The following RNF216 variants were observed in gnomAD, a reference collection of about 807,000 sequenced individuals.
RNF216 encodes the protein ring finger protein 216.
In RNF216, 72 loss-of-function variants were observed where a neutral mutation model predicts 110.8. The observed-to-expected ratio is 0.65, with a 90% CI of 0.54 to 0.79. The LOEUF (loss-of-function observed/expected upper bound fraction) is 0.79, where lower values mean the gene tolerates loss of function less well. Among genes scored for constraint, RNF216 ranks in the 30% least tolerant of loss-of-function variants. RNF216 has a pLI of 0.00. For synonymous variants in RNF216, 495 were observed against 407.5 expected (o/e 1.21, Z -2.59); for missense variants, 1,342 against 1,141.2 (o/e 1.18, Z -2.54).
intron 6 of RNF216, 80 bp from the exon 7 acceptor site, chr7:5,729,676 G>A (rs1793973873): frequency 2.6e-6 from 3 of 1,164,606 alleles, no homozygotes; most frequent in African/African-American, 3.1e-5. Context: ...AGAATTACAT[G>A]TGTAGAAAAG....
At chr7:5,661,058 G>A (rs1388856423) in intron 13 of RNF216, among the ~76,000 whole-genome samples, 1 of 145,612 alleles carries the variant, frequency 6.9e-6, no homozygotes, top group Non-Finnish European at 1.5e-5. Context: ...TCATGCCTCA[G>A]TCTCCCAAGT....
At chr7:5,628,609 A>T (rs1397663252) in intron 15 of RNF216, among the ~76,000 whole-genome samples, 1 of 151,438 alleles carries the variant, frequency 6.6e-6, no homozygotes, top group South Asian at 2.1e-4. Flanking sequence ...TGCAGCCTCC[A>T]CCTCCTGGGC....
chr7:5,704,831 A>G (rs1035658575), intron 13 of RNF216, among the ~76,000 whole-genome samples: 9 of 152,164 alleles, frequency 5.9e-5, no homozygotes, highest in Admixed American at 2.0e-4. Flanking sequence ...TTTATTTTCC[A>G]TGATGGGCCA....
At chr7:5,695,323 G>A (rs929989478) in intron 13 of RNF216, among the ~76,000 whole-genome samples, 1 of 152,250 alleles carries the variant, frequency 6.6e-6, no homozygotes, top group East Asian at 1.9e-4. Context: ...ACATTCACAC[G>A]TCCAGCAGCC....
Position 5,770,779 on chromosome 7 carries a change from T to C in RNF216, c.-69-9641A>G, listed in dbSNP as rs543881630. ...TATTGACAAAAGAAAAACAGACCAA[T>C]GGAACAGAGTGCAGAACAGATTCTT... On this transcript the variant is annotated intron_variant, in intron 1 of 16. Coordinates refer to ENST00000389902, the MANE Select transcript of RNF216 (RefSeq NM_207111.4). Among the ~76,000 whole-genome samples, 3 of 151,786 alleles carry C rather than the reference T, an allele frequency of 2.0e-5. No individual in the cohort carries two copies. The South Asian group carries it at 6.2e-4, about 32-fold the overall frequency.
At chr7:5,642,046 G>A (rs2537624) in intron 14 of RNF216, among the ~76,000 whole-genome samples, 67,560 of 113,612 alleles carry the variant, frequency 0.59, 18,651 homozygotes, top group East Asian at 0.93. Context: ...AAAAAAAAAA[G>A]AAAAAAAAAA....
In RNF216 at chr7:5,741,758, C is replaced by T. The variant is rs780346814; in HGVS notation, c.259G>A (p.Asp87Asn). Reference protein sequence around the residue: ...NLIKPAAQWQDLKRLGEERPK... With the variant: ...NLIKPAAQWQNLKRLGEERPK... ...CTTTCTTCTCCCAACCTTTTCAGAT[C>T]TTGCCACTGGGCAGCTGGTTTGATG... The change falls in exon 4 of 17, where the codon GAT (aspartate) becomes AAT (asparagine). Residue 87 changes from aspartate to asparagine, a missense_variant. Transcript: ENST00000389902. 2 of 1,614,186 alleles carry T rather than the reference C, an allele frequency of 1.2e-6. No individual in the cohort carries two copies. Among genetic ancestry groups the T allele is most frequent in the South Asian group, 2.2e-5 (2 of 91,082 alleles).
At chr7:5,764,419 G>A (rs777191881) in intron 1 of RNF216, among the ~76,000 whole-genome samples, 1 of 151,660 alleles carries the variant, frequency 6.6e-6, no homozygotes, top group African/African-American at 2.4e-5. Flanking sequence ...AGGCTGAGGA[G>A]AGCGGATCAC....
At chr7:5,675,248 T>C (rs928411626) in intron 13 of RNF216, among the ~76,000 whole-genome samples, 1 of 152,212 alleles carries the variant, frequency 6.6e-6, no homozygotes, top group African/African-American at 2.4e-5. Context: ...CATTCAATTC[T>C]TATCCCTCTG....
At chr7:5,644,420 T>C (rs1787926624) in intron 14 of RNF216, among the ~76,000 whole-genome samples, 1 of 152,260 alleles carries the variant, frequency 6.6e-6, no homozygotes, top group African/African-American at 2.4e-5. Flanking sequence ...TTTGTATTTC[T>C]GTAATGACTA....
intron 13 of RNF216, among the ~76,000 whole-genome samples, chr7:5,675,605 C>T (rs1366685991): frequency 2.6e-5 from 4 of 152,254 alleles, no homozygotes; most frequent in Middle Eastern, 3.4e-3. Flanking sequence ...CACATCACTG[C>T]GCTCCAGCCT....
chr7:5,726,932 C>T (rs1037474304), intron 7 of RNF216, among the ~76,000 whole-genome samples: 3 of 151,292 alleles, frequency 2.0e-5, no homozygotes, highest in African/African-American at 4.9e-5. Context: ...TGATTTGAAA[C>T]GGAAGGAAGG....
chr7:5,684,737 C>G lies in RNF216; in HGVS notation c.2061+27024G>C, dbSNP rs73339944. On this transcript the variant is annotated intron_variant, in intron 13 of 16. Transcript: ENST00000389902. ...ATTCCAGTGGGTGTTCAAGCAATGTCTTCTTCAAGGCACCTCACATATAGT... is the reference window on the plus strand; with the variant it reads ...ATTCCAGTGGGTGTTCAAGCAATGTGTTCTTCAAGGCACCTCACATATAGT... Among the ~76,000 whole-genome samples, 900 of 152,320 alleles carry G rather than the reference C, an allele frequency of 5.9e-3. 10 individuals carry two copies. Among genetic ancestry groups the G allele is most frequent in the African/African-American group, 0.021 (853 of 41,558 alleles).
At chr7:5,729,778 T>TCTGGACAAACAAAC (rs1307115840) in intron 6 of RNF216, among the ~76,000 whole-genome samples, 182 bp from the exon 7 acceptor site, 4 of 152,296 alleles carry the variant, frequency 2.6e-5, no homozygotes, top group Non-Finnish European at 5.9e-5. Flanking sequence ...AACAAACCTG[T>TCTGGACAAACAAAC]CTGGAGCCGA....
At chr7:5,738,320 G>T (rs1351709834) in intron 5 of RNF216, among the ~76,000 whole-genome samples, 1 of 152,004 alleles carries the variant, frequency 6.6e-6, no homozygotes, top group Non-Finnish European at 1.5e-5. Context: ...TGAATTCCTG[G>T]ACTCAGGCAA....
At chr7:5,692,418 A>T (rs571367300) in intron 13 of RNF216, among the ~76,000 whole-genome samples, 1 of 152,368 alleles carries the variant, frequency 6.6e-6, no homozygotes, top group African/African-American at 2.4e-5. Flanking sequence ...TTAGTCAGAC[A>T]TACTCTGTGG....
chr7:5,690,777 C>T (rs1021854231), intron 13 of RNF216, among the ~76,000 whole-genome samples: 10 of 152,180 alleles, frequency 6.6e-5, no homozygotes, highest in African/African-American at 1.9e-4. Context: ...CACACTAGAG[C>T]TCATGCCCCG....
At chr7:5,716,995 A>G (rs952766373) in intron 9 of RNF216, among the ~76,000 whole-genome samples, 6 of 152,228 alleles carry the variant, frequency 3.9e-5, no homozygotes, top group African/African-American at 1.2e-4. Flanking sequence ...ATAAGGGAAA[A>G]GGCTGACACA....
chr7:5,629,665 A>G (rs1786937493), intron 15 of RNF216, among the ~76,000 whole-genome samples: 1 of 151,846 alleles, frequency 6.6e-6, no homozygotes, highest in South Asian at 2.1e-4. Flanking sequence ...CATCTCTACT[A>G]AAAATACAAA....
Sources: gnomAD v4.1 joint callset for allele counts (sites outside exome capture counted in the v4.1 genomes callset) on GRCh38, gnomAD v4.1.1 for gene constraint, MANE v1.5 for transcripts, NCBI Gene and HGNC (gene_info 2026-07-23, HGNC 2026-07-21) for gene names.